The following NEBL variants were observed in gnomAD, a reference collection of about 807,000 sequenced individuals.
NEBL encodes the protein LIM and SH3 protein 2.
In NEBL, 122 loss-of-function variants were observed where a neutral mutation model predicts 140.2. That is an observed-to-expected ratio of 0.87 (90% CI 0.75 to 1.01). The LOEUF (loss-of-function observed/expected upper bound fraction) is 1.01. NEBL is among the 50% of genes least tolerant of loss of function. NEBL has a pLI of 0.00. For synonymous variants in NEBL, 436 were observed against 398.9 expected, an observed-to-expected ratio of 1.09 and a Z score of -1.11; for missense variants, 1,365 against 1,231.3, an observed-to-expected ratio of 1.11 and a Z score of -1.62.
chr10:21,181,401 G>A (rs936923534), intron 3 of NEBL, among the ~76,000 whole-genome samples: 1 of 151,454 alleles, frequency 6.6e-6, no homozygotes, highest in East Asian at 1.9e-4. Context: ...TCTGTAAACT[G>A]GTTAAAAAAA....
chr10:21,107,924 C>T (rs1837797554), intron 2 of NEBL, among the ~76,000 whole-genome samples: 1 of 152,102 alleles, frequency 6.6e-6, no homozygotes, highest in South Asian at 2.1e-4. Flanking sequence ...GGAATTTATC[C>T]ATGTCTTCTA....
chr10:21,187,499 CTAT>C (rs899218855), intron 3 of NEBL, among the ~76,000 whole-genome samples: 1 of 150,286 alleles, frequency 6.7e-6, no homozygotes, highest in African/African-American at 2.4e-5. Context: ...ATTATTATTA[CTAT>C]TATTATTTAT....
At chr10:21,187,223 C>A (rs551914952) in intron 3 of NEBL, among the ~76,000 whole-genome samples, 1 of 152,158 alleles carries the variant, frequency 6.6e-6, no homozygotes, top group East Asian at 1.9e-4. Context: ...TTTCCTGAGG[C>A]CTCCCCAGCT....
intron 2 of NEBL, among the ~76,000 whole-genome samples, chr10:21,107,719 A>G (rs1837787856): frequency 6.6e-6 from 1 of 152,120 alleles, no homozygotes; most frequent in Non-Finnish European, 1.5e-5. Context: ...TTTTCTACAG[A>G]TTGAAATAGT....
intron 3 of NEBL, among the ~76,000 whole-genome samples, chr10:21,233,183 T>G (rs1834468641): frequency 6.6e-6 from 1 of 152,076 alleles, no homozygotes; most frequent in Non-Finnish European, 1.5e-5. Context: ...ACCTCAGCCT[T>G]CTGTGTAGCT....
At chr10:20,898,103 G>A, upstream of NEBL, among the ~76,000 whole-genome samples, 1 of 152,016 alleles carries the variant, frequency 6.6e-6, no homozygotes, top group Non-Finnish European at 1.5e-5. Flanking sequence ...ATTCAGAAAA[G>A]TTTGGAAAAA....
At chr10:20,875,148 C>T (rs571940508) in intron 5 of NEBL, among the ~76,000 whole-genome samples, 46 of 152,180 alleles carry the variant, frequency 3.0e-4, no homozygotes, top group African/African-American at 6.3e-4. Context: ...CACTTTCACC[C>T]TGAGCTCATA....
At chr10:21,226,340 G>C (rs1486524712) in intron 3 of NEBL, among the ~76,000 whole-genome samples, 1 of 151,874 alleles carries the variant, frequency 6.6e-6, no homozygotes, top group African/African-American at 2.4e-5. Flanking sequence ...GCTGCCTGGG[G>C]TTATGAGAGT....
At chr10:21,260,710 G>A (rs920582202) in intron 1 of NEBL, among the ~76,000 whole-genome samples, 6 of 152,138 alleles carry the variant, frequency 3.9e-5, no homozygotes, top group Middle Eastern at 6.8e-3. Context: ...TCTGCACCCC[G>A]GTCAGCTCCT....
At chr10:20,868,570 A>G (rs1844562380) in intron 7 of NEBL, 94 bp downstream of exon 7, 5 of 898,596 alleles carry the variant, frequency 5.6e-6, no homozygotes, top group Non-Finnish European at 9.5e-6. Context: ...TATTCTTGCA[A>G]TTAAAGATAT....
chr10:21,083,396 AC>A (rs1836476661), intron 2 of NEBL, among the ~76,000 whole-genome samples: 1 of 151,894 alleles, frequency 6.6e-6, no homozygotes, highest in African/African-American at 2.4e-5. Flanking sequence ...GCAGCACCCC[AC>A]CTCCTTGTAG....
At chr10:21,113,213 C>T in intron 2 of NEBL, 1 of 296,010 alleles carries the variant, frequency 3.4e-6, no homozygotes, top group Admixed American at 4.1e-5. Flanking sequence ...ATGCTCCAGC[C>T]AAAAATGCAC....
At chr10:20,900,413 C>T (rs899792151), upstream of NEBL, among the ~76,000 whole-genome samples, 3 of 152,154 alleles carry the variant, frequency 2.0e-5, no homozygotes, top group Non-Finnish European at 4.4e-5. Context: ...TGCGCAGTGG[C>T]ACACGCCTGT....
intron 2 of NEBL, among the ~76,000 whole-genome samples, chr10:21,112,104 G>A (rs1838041703): frequency 6.6e-6 from 1 of 152,206 alleles, no homozygotes; most frequent in Admixed American, 6.5e-5. Context: ...ATGCTGGAGA[G>A]GATGTGGAGA....
intron 3 of NEBL, among the ~76,000 whole-genome samples, chr10:21,223,441 A>G (rs1842101139): frequency 1.3e-5 from 2 of 152,308 alleles, no homozygotes; most frequent in South Asian, 2.1e-4. Context: ...TTCTTTTTCC[A>G]TTCATCTGTT....
intron 4 of NEBL, among the ~76,000 whole-genome samples, chr10:20,925,328 G>A (rs1176094362): frequency 6.6e-6 from 1 of 152,088 alleles, no homozygotes; most frequent in African/African-American, 2.4e-5. Flanking sequence ...TGGTATGGAT[G>A]GAATATTTGT....
Position 21,173,802 on chromosome 10 carries a change from A to G in NEBL, c.32T>C (p.Val11Ala). Residue 11 changes from valine to alanine, a missense_variant, in exon 1 of 7, where the codon GTC becomes GCC. Val to Ala is a moderately conservative substitution (Grantham distance 64). Coordinates refer to the NEBL transcript ENST00000417816. The surrounding 1 kb of genome is among the most constrained non-coding windows in gnomAD (Gnocchi z 5.7). The stretch of plus-strand genomic sequence containing the variant: ...GTTGACTTTCTCGGTGGGATACACG[A>G]CTTTTCCGCAACGGGCGCACTGGGG... 6.2e-7 allele frequency: 1 copy of G among 1,611,584 alleles called. No individual in the cohort carries two copies. The highest frequency in any genetic ancestry group is 1.1e-5 in the South Asian group (1 of 91,002).
intron 4 of NEBL, among the ~76,000 whole-genome samples, chr10:20,934,517 A>T (rs560172415): frequency 3.3e-5 from 5 of 152,168 alleles, no homozygotes; most frequent in Non-Finnish European, 7.3e-5. Flanking sequence ...CGTGACGTGC[A>T]TGACTTCCAG....
intron 2 of NEBL, 86 bp downstream of exon 2, chr10:20,896,872 G>T: frequency 8.8e-7 from 1 of 1,141,984 alleles, no homozygotes; most frequent in Non-Finnish European, 1.3e-6. Context: ...TGATTTCAGG[G>T]TTTCCCCCAC....
Sources: allele counts gnomAD v4.1 joint callset (sites outside exome capture counted in the v4.1 genomes callset), GRCh38; gene constraint gnomAD v4.1.1; non-coding constraint Gnocchi (gnomAD v3.1); transcripts MANE v1.5; gene names NCBI Gene and HGNC (gene_info 2026-07-23, HGNC 2026-07-21).